Variants in GEMIN5 observed in about 807,000 individuals in gnomAD.
GEMIN5 encodes the protein gem nuclear organelle associated protein 5, also known as gem-associated protein 5.
GEMIN5 carries 124 observed loss-of-function variants against 176.9 expected under a neutral mutation model. The ratio of observed to expected loss-of-function variants is 0.70; its 90% confidence interval spans 0.61 to 0.81. The LOEUF is 0.81. Among genes scored for constraint, GEMIN5 ranks in the 40% least tolerant of loss-of-function variants. The probability of loss-of-function intolerance (pLI) is 0.00; values close to 1 mark genes in which losing one functional copy is unlikely to be tolerated. For synonymous variants in GEMIN5, 673 were observed against 665.2 expected, an observed-to-expected ratio of 1.01 and a Z score of -0.18; for missense variants, 1,843 against 1,814.6, an observed-to-expected ratio of 1.02 and a Z score of -0.28.
chr5:154,927,401 G>A lies in GEMIN5; in HGVS notation c.1064C>T (p.Thr355Ile), dbSNP rs1043829640. ...TEDDKQLLLS[T>I]SMDRDVKCWD... ...CATTCTTACATCTCTATCCATTGAT[G>A]TAGAAAGTAATAGCTGTTTGTCATC... Residue 355 changes from threonine (T) to isoleucine (I), a missense_variant, in exon 7 of 28, where the codon ACA becomes ATA. By Grantham distance (89) the Thr-to-Ile change is moderately conservative (BLOSUM62 -1). Coordinates refer to ENST00000285873, the MANE Select transcript of GEMIN5 (RefSeq NM_015465.5). The A allele has an allele frequency of 6.3e-7, 1 of 1,577,954 alleles. No individual in the cohort carries two copies. Among genetic ancestry groups the A allele is most frequent in the Non-Finnish European group, 8.7e-7 (1 of 1,147,268 alleles).
intron 5 of GEMIN5, among the ~76,000 whole-genome samples, chr5:154,928,865 C>G (rs1204563687): frequency 6.6e-6 from 1 of 151,988 alleles, no homozygotes; most frequent in African/African-American, 2.4e-5. Context: ...TAATACTAGT[C>G]TAGCTACATT....
intron 25 of GEMIN5, 42 bp downstream of exon 25, chr5:154,892,345 G>C (rs1763246677): frequency 6.6e-7 from 1 of 1,505,190 alleles, no homozygotes; most frequent in African/African-American, 1.4e-5. Context: ...TGGTGATGTT[G>C]TCCATTAAAG....
intron 21 of GEMIN5, 112 bp downstream of exon 21, chr5:154,901,227 G>T: frequency 9.9e-7 from 1 of 1,015,080 alleles, no homozygotes; most frequent in Non-Finnish European, 1.5e-6. Context: ...GTTACTCAGG[G>T]GGCTGAAGCA....
At chr5:154,915,796 T>G (rs1239798144) in intron 13 of GEMIN5, among the ~76,000 whole-genome samples, 1 of 152,192 alleles carries the variant, frequency 6.6e-6, no homozygotes, top group Non-Finnish European at 1.5e-5. Flanking sequence ...GCGGAAGTAT[T>G]AAATGGCATA....
intron 5 of GEMIN5, among the ~76,000 whole-genome samples, chr5:154,929,722 C>A (rs1764122078): frequency 6.6e-6 from 1 of 152,198 alleles, no homozygotes; most frequent in African/African-American, 2.4e-5. Flanking sequence ...CTGCAGTATG[C>A]CAAGAAGTAG....
chr5:154,912,660 TAG>T (rs1763726325), intron 14 of GEMIN5, among the ~76,000 whole-genome samples: 1 of 152,122 alleles, frequency 6.6e-6, no homozygotes, highest in Non-Finnish European at 1.5e-5. Context: ...GTAAAAATGT[TAG>T]AGTTAGCTAG....
intron 13 of GEMIN5, among the ~76,000 whole-genome samples, chr5:154,913,970 C>T (rs1253015742): frequency 6.6e-6 from 1 of 152,156 alleles, no homozygotes; most frequent in African/African-American, 2.4e-5. Context: ...CACTACACTC[C>T]ACCCTGAACA....
intron 5 of GEMIN5, among the ~76,000 whole-genome samples, chr5:154,930,404 T>C (rs986927101): frequency 1.3e-5 from 2 of 152,256 alleles, no homozygotes; most frequent in African/African-American, 4.8e-5. Flanking sequence ...GAAAGTTTTA[T>C]ATTTGAGTGC....
At chr5:154,937,862 G>T (rs1334969615) in intron 1 of GEMIN5, 106 bp downstream of exon 1, 1 of 1,005,970 alleles carries the variant, frequency 9.9e-7, no homozygotes, top group Non-Finnish European at 1.4e-6. Flanking sequence ...TCCCAGCCTG[G>T]GCCTCAGTTT....
At position 154,888,641 on chromosome 5, in the gene GEMIN5, A is replaced by G. The variant is rs951888694; in HGVS notation, c.4360-264T>C. On this transcript the variant is annotated intron_variant, in intron 27 of 27. Transcript: ENST00000285873. ...AGCCCTATGCAAATCCACCCTTAAAAATGGTGCTTCTATTAATATTTGGGC... is the reference window on the plus strand; with the variant it reads ...AGCCCTATGCAAATCCACCCTTAAAGATGGTGCTTCTATTAATATTTGGGC... Among the ~76,000 whole-genome samples the G allele has an allele frequency of 5.3e-5, 8 of 152,144 alleles. No individual in the cohort carries two copies. In the South Asian group the frequency reaches 1.7e-3, roughly 32 times the overall value.
At chr5:154,901,189 G>C (rs1763454424) in intron 21 of GEMIN5, 150 bp downstream of exon 21, 1 of 657,450 alleles carries the variant, frequency 1.5e-6, no homozygotes, top group African/African-American at 1.8e-5. Context: ...AGTTGGATGT[G>C]GTGGCATGCA....
intron 13 of GEMIN5, among the ~76,000 whole-genome samples, chr5:154,916,652 A>G (rs909930931): frequency 6.6e-6 from 1 of 151,954 alleles, no homozygotes; most frequent in African/African-American, 2.4e-5. Flanking sequence ...TAACCCGGCA[A>G]ATTTGTTTTT....
intron 24 of GEMIN5, 142 bp from the exon 25 acceptor site, chr5:154,892,691 A>AT (rs1310115101): frequency 1.9e-5 from 14 of 755,242 alleles, no homozygotes; most frequent in Non-Finnish European, 2.1e-5. Flanking sequence ...TCCGCCACCC[A>AT]TTTTTGCTTC....
chr5:154,893,499 A>G (rs1194590515), intron 24 of GEMIN5, among the ~76,000 whole-genome samples: 1 of 152,172 alleles, frequency 6.6e-6, no homozygotes, highest in East Asian at 1.9e-4. Flanking sequence ...CTCAATTTTA[A>G]GTATGTAGTT....
chr5:154,906,448 G>A, intron 16 of GEMIN5, among the ~76,000 whole-genome samples: 1 of 152,166 alleles, frequency 6.6e-6, no homozygotes, highest in Non-Finnish European at 1.5e-5. Context: ...ACTAACAGGA[G>A]TAACTTTAAT....
At chr5:154,928,439 T>C (rs771010897) in intron 6 of GEMIN5, 88 bp downstream of exon 6, 38 of 1,162,398 alleles carry the variant, frequency 3.3e-5, no homozygotes, top group Admixed American at 7.6e-5. Flanking sequence ...ATACAAGCCT[T>C]GGCCATTACT....
chr5:154,915,461 G>A (rs1333233878), intron 13 of GEMIN5, among the ~76,000 whole-genome samples: 2 of 152,106 alleles, frequency 1.3e-5, no homozygotes, highest in Admixed American at 1.3e-4. Context: ...TCCAGGTGCC[G>A]AAGGGGCCTC....
At position 154,932,091 on chromosome 5, in the gene GEMIN5, A is replaced by T; in HGVS notation, c.661+8T>A. 6.2e-7 allele frequency: 1 copy of T among 1,607,046 alleles called. No homozygotes were observed. The highest frequency in any genetic ancestry group is 8.5e-7 in the Non-Finnish European group (1 of 1,175,760). ...AGTGGACTTAACTTTCCCTTAAACCATCTCTACCTGAAGTTTCCTCTTGGT... is the reference window on the plus strand; with the variant it reads ...AGTGGACTTAACTTTCCCTTAAACCTTCTCTACCTGAAGTTTCCTCTTGGT... On this transcript the variant is annotated splice_region_variant and intron_variant, in intron 4 of 27. Transcript: ENST00000285873.
intron 3 of GEMIN5, among the ~76,000 whole-genome samples, chr5:154,932,974 T>C (rs2113514748): frequency 6.6e-6 from 1 of 152,380 alleles, no homozygotes; most frequent in East Asian, 1.9e-4. Context: ...TGCAGAATTC[T>C]ACACTCTAGA....
Sources: gnomAD v4.1 joint callset for allele counts (sites outside exome capture counted in the v4.1 genomes callset) on GRCh38, gnomAD v4.1.1 for gene constraint, MANE v1.5 for transcripts, NCBI Gene and HGNC (gene_info 2026-07-23, HGNC 2026-07-21) for gene names.